The following AHI1 variants were observed in gnomAD, a reference collection of about 807,000 sequenced individuals.
The protein encoded by AHI1 is Abelson helper integration site 1.
A neutral mutation model predicts 149.3 loss-of-function variants in AHI1; 123 were observed. The observed-to-expected ratio is 0.82, with a 90% CI of 0.71 to 0.96. The LOEUF is 0.96. Ranked by LOEUF, AHI1 falls within the 40% of genes least tolerant of loss-of-function variation. AHI1 has a pLI of 0.00. For synonymous variants in AHI1, 475 were observed against 459.8 expected, an observed-to-expected ratio of 1.03 and a Z score of -0.42; for missense variants, 1,439 against 1,422.7, an observed-to-expected ratio of 1.01 and a Z score of -0.18.
intron 3 of AHI1, among the ~76,000 whole-genome samples, chr6:135,494,205 C>A (rs570580055): frequency 6.6e-6 from 1 of 152,178 alleles, no homozygotes; most frequent in Non-Finnish European, 1.5e-5. Context: ...TAGTCACTTG[C>A]GTGACTTTTG....
intron 5 of AHI1, among the ~76,000 whole-genome samples, chr6:135,484,762 A>C (rs1005052481): frequency 6.6e-6 from 1 of 151,602 alleles, no homozygotes; most frequent in Non-Finnish European, 1.5e-5. Context: ...TTGACCAAAA[A>C]AAAAAAAACT....
At chr6:135,375,336 A>G (rs1775752692) in intron 23 of AHI1, among the ~76,000 whole-genome samples, 2 of 152,230 alleles carry the variant, frequency 1.3e-5, no homozygotes, top group African/African-American at 4.8e-5. Flanking sequence ...GGAAATAAAC[A>G]CTACTCAATA....
At chr6:135,294,601 A>G (rs1266545046) in intron 27 of AHI1, among the ~76,000 whole-genome samples, 1 of 150,884 alleles carries the variant, frequency 6.6e-6, no homozygotes, top group Non-Finnish European at 1.5e-5. Flanking sequence ...ACCCACATAT[A>G]TATTAAGAGC....
At chr6:135,377,182 T>C (rs1209050996) in intron 23 of AHI1, among the ~76,000 whole-genome samples, 2 of 152,140 alleles carry the variant, frequency 1.3e-5, no homozygotes, top group African/African-American at 4.8e-5. Flanking sequence ...AAAATATCCT[T>C]ACTTTAGCAA....
intron 23 of AHI1, chr6:135,387,781 C>A: frequency 7.9e-7 from 1 of 1,266,864 alleles, no homozygotes; most frequent in East Asian, 3.0e-5. Flanking sequence ...AAAAAGCCTC[C>A]CATAACCTCA....
At chr6:135,425,878 A>T (rs1163745988) in intron 20 of AHI1, among the ~76,000 whole-genome samples, 1 of 151,930 alleles carries the variant, frequency 6.6e-6, no homozygotes, top group Non-Finnish European at 1.5e-5. Flanking sequence ...GAAAAGATAG[A>T]GTGCAACTTT....
chr6:135,370,979 C>T (rs1774969319), intron 23 of AHI1, among the ~76,000 whole-genome samples: 1 of 152,118 alleles, frequency 6.6e-6, no homozygotes, highest in Non-Finnish European at 1.5e-5. Flanking sequence ...GTCTAAACCT[C>T]TCTCCAACCA....
intron 24 of AHI1, among the ~76,000 whole-genome samples, chr6:135,353,908 T>C (rs567411545): frequency 7.9e-5 from 12 of 152,210 alleles, no homozygotes; most frequent in African/African-American, 2.9e-4. Flanking sequence ...AGGAATAAAT[T>C]AATAGCTTTT....
chr6:135,489,412 T>G (rs1261677458), intron 5 of AHI1, among the ~76,000 whole-genome samples: 1 of 152,164 alleles, frequency 6.6e-6, no homozygotes, highest in Non-Finnish European at 1.5e-5. Flanking sequence ...TCCCAGTTCT[T>G]TAATACTAAG....
intron 3 of AHI1, chr6:135,492,510 ATAAAG>A: frequency 1.7e-6 from 2 of 1,152,748 alleles, no homozygotes; most frequent in Non-Finnish European, 2.1e-6. Context: ...TCATATCTGA[ATAAAG>A]TATTTATATA....
chr6:135,417,128 A>G (rs1197064575), intron 20 of AHI1, among the ~76,000 whole-genome samples: 1 of 152,072 alleles, frequency 6.6e-6, no homozygotes, highest in Non-Finnish European at 1.5e-5. Flanking sequence ...TTTCAGGAAT[A>G]AATAAATAAA....
Position 135,431,304 on chromosome 6 carries a change from C to T in AHI1, c.2277G>A (p.Met759Ile), listed in dbSNP as rs1784625254. The T allele has an allele frequency of 1.3e-6, 2 of 1,589,610 alleles. No homozygotes were observed. Among genetic ancestry groups the T allele is most frequent in the Non-Finnish European group, 1.7e-6 (2 of 1,162,614 alleles). The change falls in exon 17 of 29, where the codon ATG (methionine) becomes ATA (isoleucine). Residue 759 changes from methionine (M) to isoleucine (I), a missense_variant. Transcript: ENST00000265602. ...SLCFDTEGHH[M>I]YSGDCTGVIV... ...TCACCCCTGTACAATCTCCTGAATA[C>T]ATATGATGACCTATTTAAAAAAATA...
chr6:135,322,172 C>A (rs1786952531), intron 25 of AHI1, among the ~76,000 whole-genome samples: 2 of 152,202 alleles, frequency 1.3e-5, no homozygotes, highest in Non-Finnish European at 2.9e-5. Context: ...CAGATAATAT[C>A]ATTTAATTCC....
intron 14 of AHI1, 77 bp downstream of exon 14, chr6:135,442,505 T>G: frequency 7.0e-7 from 1 of 1,427,584 alleles, no homozygotes; most frequent in Non-Finnish European, 9.3e-7. Flanking sequence ...AGTTAAGATT[T>G]CCATGAATTT....
chr6:135,320,795 G>A (rs1786701747), intron 25 of AHI1, among the ~76,000 whole-genome samples: 1 of 152,120 alleles, frequency 6.6e-6, no homozygotes, highest in Non-Finnish European at 1.5e-5. Flanking sequence ...TTAAAATGAG[G>A]CATACTCCAG....
At chr6:135,377,943 A>T (rs1776187241) in intron 23 of AHI1, among the ~76,000 whole-genome samples, 1 of 152,258 alleles carries the variant, frequency 6.6e-6, no homozygotes, top group South Asian at 2.1e-4. Flanking sequence ...CTACATGTTG[A>T]CTGCTCTATT....
In AHI1 at chr6:135,492,257, G is replaced by T; in HGVS notation, c.-20C>A. The T allele has an allele frequency of 6.5e-7, 1 of 1,536,884 alleles. No individual in the cohort carries two copies. The highest frequency in any genetic ancestry group is 8.8e-7 in the Non-Finnish European group (1 of 1,139,146). ...AGGCATCTCTCAGCTTTATGCAGAG[G>T]ACTGAGAATGCAAAGCATTGACTCA... On this transcript the variant is annotated 5_prime_UTR_variant, in exon 4 of 29. Coordinates refer to ENST00000265602, the MANE Select transcript of AHI1 (RefSeq NM_001134831.2).
At chr6:135,412,155 A>G (rs1426746568) in intron 20 of AHI1, among the ~76,000 whole-genome samples, 1 of 152,124 alleles carries the variant, frequency 6.6e-6, no homozygotes, top group African/African-American at 2.4e-5. Context: ...TCAACCAACT[A>G]TGGATAAAAA....
chr6:135,285,415 T>G lies in AHI1; in HGVS notation c.*230A>C. On this transcript the variant is annotated 3_prime_UTR_variant, in exon 29 of 29. Coordinates refer to ENST00000265602, the MANE Select transcript of AHI1 (RefSeq NM_001134831.2). ...ACTAACAATATAAGTACCAATACTT[T>G]GACCAACAATAGTCACAATGGTTTA... 1.7e-6 allele frequency: 1 copy of G among 585,506 alleles called. No individual in the cohort carries two copies. Among genetic ancestry groups the G allele is most frequent in the Non-Finnish European group, 3.0e-6 (1 of 329,160 alleles). The allele number at this position is 585,506 out of a possible 1,614,324, so 36.3% of individuals were successfully genotyped here.
Sources: gnomAD v4.1 joint callset for allele counts (sites outside exome capture counted in the v4.1 genomes callset) on GRCh38, gnomAD v4.1.1 for gene constraint, MANE v1.5 for transcripts, NCBI Gene and HGNC (gene_info 2026-07-23, HGNC 2026-07-21) for gene names.